The following COA7 variants were observed in gnomAD, a reference collection of about 807,000 sequenced individuals.
The protein encoded by COA7 is Sel1 repeat containing 1.
Under a neutral mutation model 21.0 loss-of-function variants are expected in COA7, and 12 were observed. The observed-to-expected ratio is 0.57, with a 90% CI of 0.37 to 0.92. The LOEUF is 0.92. Among genes scored for constraint, COA7 ranks in the 40% least tolerant of loss-of-function variants. The pLI is 0.01. For missense variants in COA7, 240 were observed against 286.1 expected (o/e 0.84, Z 1.16); for synonymous variants, 95 against 107.4 (o/e 0.88, Z 0.72).
At chr1:52,696,299 G>A (rs1421063667) in intron 1 of COA7, among the ~76,000 whole-genome samples, 1 of 152,030 alleles carries the variant, frequency 6.6e-6, no homozygotes, top group Non-Finnish European at 1.5e-5. Flanking sequence ...TCAGCCTCCC[G>A]AGTAGCTGGG....
In COA7 at chr1:52,684,848, A is replaced by G. The variant is rs1010850950; in HGVS notation, c.*2872T>C. 4 of 139,952 alleles carry G rather than the reference A, an allele frequency of 2.9e-5. No homozygotes were observed. Among genetic ancestry groups the G allele is most frequent in the African/African-American group, 1.1e-4 (4 of 36,686 alleles). The allele number at this position is 139,952 out of a possible 1,614,324, so 8.7% of individuals were successfully genotyped here. On this transcript the variant is annotated 3_prime_UTR_variant, in exon 3 of 3. Coordinates refer to ENST00000371538, the MANE Select transcript of COA7 (RefSeq NM_023077.3). The stretch of plus-strand genomic sequence containing the variant: ...TTTTGCCTTTTCCAGAATACATCCC[A>G]GTGTCATATAGTTGGCATCATTTAA...
rs1644014684 is a variant in COA7, at chr1:52,687,601, A to G, written c.*119T>C. The G allele has an allele frequency of 1.1e-6, 1 of 881,554 alleles. No homozygotes were observed. The highest frequency in any genetic ancestry group is 1.7e-6 in the Non-Finnish European group (1 of 573,398). 54.6% of individuals were successfully genotyped at this position (881,554 alleles called of 1,614,324 possible). The stretch of plus-strand genomic sequence containing the variant: ...ATGGATCCATGTAAATGGAGCTACA[A>G]ATTCAAGTCCCAAGTTTTTTTGCTC... On this transcript the variant is annotated 3_prime_UTR_variant, in exon 3 of 3. Transcript: ENST00000371538.
chr1:52,688,530 G>T (rs1249293416), intron 2 of COA7, among the ~76,000 whole-genome samples: 3 of 152,122 alleles, frequency 2.0e-5, no homozygotes, highest in Non-Finnish European at 4.4e-5. Context: ...TTACAGGCGT[G>T]AGCCACCACA....
At chr1:52,695,516 C>A (rs567774411) in intron 1 of COA7, among the ~76,000 whole-genome samples, 33 of 151,948 alleles carry the variant, frequency 2.2e-4, no homozygotes, top group South Asian at 8.3e-4. Context: ...ACCCCACCCC[C>A]CAACAAAAAC....
In COA7 at chr1:52,697,484, G is replaced by C. The variant is rs374301844; in HGVS notation, c.106+737C>G. Among the ~76,000 whole-genome samples, 5 of 152,302 alleles carry C rather than the reference G, an allele frequency of 3.3e-5. No homozygotes were observed. In the East Asian group the frequency reaches 9.7e-4, roughly 29 times the overall value. On this transcript the variant is annotated intron_variant, in intron 1 of 2. Coordinates refer to ENST00000371538, the MANE Select transcript of COA7 (RefSeq NM_023077.3). ...TTTATTCAATTGCCACTTTCTCAGT[G>C]ATCTTCCCTGATCACTCAATTTAAA... is the stretch of plus-strand genomic sequence containing the variant.
At chr1:52,698,172 G>A (rs953606442) in intron 1 of COA7, 49 bp downstream of exon 1, 21 of 1,358,616 alleles carry the variant, frequency 1.5e-5, no homozygotes, top group Non-Finnish European at 2.1e-5. Flanking sequence ...AGACCTCTCC[G>A]GGCACGTCCC....
At chr1:52,688,334 C>T (rs926012488) in intron 2 of COA7, among the ~76,000 whole-genome samples, 166 bp from the exon 3 acceptor site, 10 of 151,872 alleles carry the variant, frequency 6.6e-5, no homozygotes, top group Non-Finnish European at 1.0e-4. Flanking sequence ...GCCTCAACCT[C>T]CGGCTAAAGC....
At chr1:52,697,871 C>A in intron 1 of COA7, 1 of 213,060 alleles carries the variant, frequency 4.7e-6, no homozygotes, top group Non-Finnish European at 9.4e-6. Flanking sequence ...GGCTCCCGGC[C>A]GGTACTTACT....
intron 2 of COA7, among the ~76,000 whole-genome samples, chr1:52,689,397 G>A (rs192684917): frequency 3.3e-5 from 5 of 149,726 alleles, no homozygotes; most frequent in South Asian, 2.1e-4. Context: ...CTCATGATCC[G>A]CCCGCCTCAG....
intron 1 of COA7, among the ~76,000 whole-genome samples, chr1:52,695,297 GAAA>G (rs35222338): frequency 2.9e-5 from 2 of 68,226 alleles, no homozygotes; most frequent in African/African-American, 5.7e-5. Flanking sequence ...CAGCCTCAGG[GAAA>G]AAAAAAAAAA....
chr1:52,698,175 C>T (rs1395134012), intron 1 of COA7, 46 bp downstream of exon 1: 2 of 1,376,904 alleles, frequency 1.5e-6, no homozygotes, highest in Non-Finnish European at 2.1e-6. Flanking sequence ...CCTCTCCGGG[C>T]ACGTCCCTCC....
chr1:52,687,847 G>T lies in COA7; in HGVS notation c.569C>A (p.Ala190Asp). The stretch of plus-strand genomic sequence containing the variant: ...ATCCCCCAGCTTGTACATGCGACTG[G>T]CATTGGCACAGGCCCAGATATGACC... ...DLGHIWACANASRMYKLGDGV... is the reference protein window; with the variant it reads ...DLGHIWACANDSRMYKLGDGV... The change falls in exon 3 of 3, where the codon GCC (alanine) becomes GAC (aspartate). Residue 190 changes from alanine (A) to aspartate (D), a missense_variant. Ala to Asp is a moderately radical substitution (Grantham distance 126, BLOSUM62 -2). Transcript: ENST00000371538. 1 of 1,614,256 alleles carries T rather than the reference G, an allele frequency of 6.2e-7. No individual in the cohort carries two copies. The highest frequency in any genetic ancestry group is 8.5e-7 in the Non-Finnish European group (1 of 1,180,050).
chr1:52,689,523 A>C (rs934704589), intron 2 of COA7, among the ~76,000 whole-genome samples: 1 of 151,940 alleles, frequency 6.6e-6, no homozygotes, highest in African/African-American at 2.4e-5. Flanking sequence ...TATATGGCCC[A>C]AGACAACTCT....
chr1:52,688,236 G>A (rs1214007294), intron 2 of COA7, 68 bp from the exon 3 acceptor site: 3 of 1,284,718 alleles, frequency 2.3e-6, no homozygotes, highest in Non-Finnish European at 3.2e-6. Context: ...TCAGGCCAAA[G>A]TCAGTGAATT....
chr1:52,691,470 GTTT>G (rs541566680), intron 2 of COA7, among the ~76,000 whole-genome samples: 5 of 122,044 alleles, frequency 4.1e-5, no homozygotes, highest in East Asian at 2.3e-4. Flanking sequence ...GTGTGTGTGT[GTTT>G]TTTTTTTTTT....
intron 1 of COA7, among the ~76,000 whole-genome samples, chr1:52,693,484 T>C (rs985348742): frequency 1.3e-5 from 2 of 151,390 alleles, no homozygotes; most frequent in African/African-American, 4.9e-5. Context: ...CGCACACCTG[T>C]AATCCCAGCT....
intron 2 of COA7, among the ~76,000 whole-genome samples, chr1:52,691,940 CTTG>C (rs1644050416): frequency 6.6e-6 from 1 of 152,160 alleles, no homozygotes; most frequent in Admixed American, 6.5e-5. Flanking sequence ...TGGATTCTAT[CTTG>C]TTGTCTCCTT....
chr1:52,689,797 G>A (rs1053420440), intron 2 of COA7, among the ~76,000 whole-genome samples: 8 of 151,812 alleles, frequency 5.3e-5, no homozygotes, highest in South Asian at 2.1e-4. Context: ...AGGCTGAGGC[G>A]GGTGGATCAC....
chr1:52,697,929 C>A lies in COA7; in HGVS notation c.106+292G>T, dbSNP rs74081218. The stretch of plus-strand genomic sequence containing the variant: ...ATTACCTGAGGCTTATTGCCCGACT[C>A]CCCGCACTAGCTTGGAAGCTCCACG... On this transcript the variant is annotated intron_variant, in intron 1 of 2. Transcript: ENST00000371538. The A allele has an allele frequency of 4.0e-3, 1,498 of 377,966 alleles. 25 individuals are homozygous for A. Among genetic ancestry groups the A allele is most frequent in the African/African-American group, 0.029 (1,364 of 47,328 alleles). 23.4% of individuals were successfully genotyped at this position (377,966 alleles called of 1,614,324 possible). A position where few individuals can be genotyped will look rare whatever the true frequency, so the allele number is the denominator to read the frequency against.
Sources: allele counts gnomAD v4.1 joint callset (sites outside exome capture counted in the v4.1 genomes callset), GRCh38; gene constraint gnomAD v4.1.1; transcripts MANE v1.5; gene names NCBI Gene and HGNC (gene_info 2026-07-23, HGNC 2026-07-21).